The following SNX27 variants were observed in gnomAD, a reference collection of about 807,000 sequenced individuals.
SNX27 encodes the protein sorting nexin-27.
A neutral mutation model predicts 71.6 loss-of-function variants in SNX27; 22 were observed. The observed-to-expected ratio is 0.31, with a 90% CI of 0.22 to 0.44. The LOEUF (loss-of-function observed/expected upper bound fraction) is 0.44, where lower values mean the gene tolerates loss of function less well. SNX27 is among the 20% of genes least tolerant of loss of function. SNX27 has a pLI of 1.00. For missense variants in SNX27, 531 were observed against 698.6 expected (o/e 0.76, Z 2.70); for synonymous variants, 269 against 277.2 (o/e 0.97, Z 0.29).
intron 8 of SNX27, among the ~76,000 whole-genome samples, chr1:151,687,899 G>C (rs1024552734): frequency 1.3e-5 from 2 of 148,726 alleles, no homozygotes; most frequent in African/African-American, 5.0e-5. Flanking sequence ...AGTGAGCCGC[G>C]ATCGCGCCGC....
chr1:151,685,623 A>C (rs1211662857), intron 8 of SNX27: 2 of 152,350 alleles, frequency 1.3e-5, no homozygotes, highest in African/African-American at 4.8e-5. Context: ...CGGAGGTTGC[A>C]GTGAGCCGAG....
At chr1:151,622,415 TG>T (rs1667716452) in intron 1 of SNX27, among the ~76,000 whole-genome samples, 1 of 152,218 alleles carries the variant, frequency 6.6e-6, no homozygotes. Flanking sequence ...TGAGGGATAA[TG>T]TTTTTAATTA....
intron 1 of SNX27, among the ~76,000 whole-genome samples, chr1:151,630,306 C>T (rs1668166089): frequency 6.6e-6 from 1 of 152,036 alleles, no homozygotes; most frequent in Admixed American, 6.5e-5. Flanking sequence ...TCTTTAGATG[C>T]ATATTGCCAG....
rs752169214 is a variant in SNX27, at chr1:151,638,864, G to A, written c.312-24G>A. On this transcript the variant is annotated intron_variant, in intron 1 of 11. Coordinates refer to ENST00000458013, the MANE Select transcript of SNX27 (RefSeq NM_001330723.2). ...TTGGACCCTTCTGGTTTATGGGATTGTCTTTTTCCCTTTTTCCCCTTAGGA... is the reference window on the plus strand; with the variant it reads ...TTGGACCCTTCTGGTTTATGGGATTATCTTTTTCCCTTTTTCCCCTTAGGA... The A allele has an allele frequency of 3.7e-6, 6 of 1,612,018 alleles. No individual in the cohort carries two copies. In the East Asian group the frequency reaches 1.1e-4, roughly 30 times the overall value.
At chr1:151,621,839 A>G (rs1223092406) in intron 1 of SNX27, among the ~76,000 whole-genome samples, 1 of 152,154 alleles carries the variant, frequency 6.6e-6, no homozygotes, top group Non-Finnish European at 1.5e-5. Flanking sequence ...AACTTTTTCT[A>G]CTTATTTTGC....
intron 11 of SNX27, 43 bp from the exon 12 acceptor site, chr1:151,694,326 AG>A: frequency 6.5e-7 from 1 of 1,548,384 alleles, no homozygotes; most frequent in Non-Finnish European, 8.7e-7. Flanking sequence ...TCCAGATAAG[AG>A]GAGATGTGCC....
rs1671619228 is a variant in SNX27 at position 151,694,628 on chromosome 1, A to T, written c.*211A>T. ...TGAACAGCAGATCGGTCAGCACCAG[A>T]AGTCAACTGAGTTAAGGCAGGAAAA... On this transcript the variant is annotated 3_prime_UTR_variant, in exon 12 of 12. Transcript: ENST00000458013. 1 of 474,582 alleles carries T rather than the reference A, an allele frequency of 2.1e-6. No individual in the cohort carries two copies. The highest frequency in any genetic ancestry group is 2.0e-5 in the African/African-American group (1 of 49,982). 29.4% of individuals were successfully genotyped at this position (474,582 alleles called of 1,614,324 possible).
At chr1:151,622,133 A>G (rs975305257) in intron 1 of SNX27, among the ~76,000 whole-genome samples, 4 of 152,242 alleles carry the variant, frequency 2.6e-5, no homozygotes, top group African/African-American at 9.6e-5. Flanking sequence ...CTCATTTCCA[A>G]AATAAATTGC....
chr1:151,623,839 C>T lies in SNX27; in HGVS notation c.311+11327C>T, dbSNP rs1571763052. On this transcript the variant is annotated intron_variant, in intron 1 of 11. Transcript: ENST00000458013. Reference sequence around the variant, plus strand: ...GATAAAAATGAAAAAAAAATCCTATCCAGACAAAATAAATCAGTGTTTTAT... The same window carrying T: ...GATAAAAATGAAAAAAAAATCCTATTCAGACAAAATAAATCAGTGTTTTAT... Among the ~76,000 whole-genome samples, 3 of 152,218 alleles carry T rather than the reference C, an allele frequency of 2.0e-5. No individual in the cohort carries two copies. The East Asian group carries it at 5.8e-4, about 29-fold the overall frequency.
intron 7 of SNX27, chr1:151,679,273 A>G (rs1553264234): frequency 6.6e-6 from 1 of 152,216 alleles, no homozygotes; most frequent in Admixed American, 6.5e-5. Flanking sequence ...ATACATCCCA[A>G]TTTCAGAAAT....
intron 1 of SNX27, among the ~76,000 whole-genome samples, chr1:151,631,647 A>G (rs1405546779): frequency 6.6e-6 from 1 of 152,218 alleles, no homozygotes; most frequent in African/African-American, 2.4e-5. Context: ...TACTTTTCAA[A>G]TACTTGGTCA....
At position 151,658,227 on chromosome 1, in the gene SNX27, T is replaced by C; in HGVS notation, c.544-8T>C. 1 of 1,588,702 alleles carries C rather than the reference T, an allele frequency of 6.3e-7. No homozygotes were observed. The highest frequency in any genetic ancestry group is 8.5e-7 in the Non-Finnish European group (1 of 1,169,630). On this transcript the variant is annotated splice_polypyrimidine_tract_variant and splice_region_variant and intron_variant, in intron 2 of 11. Coordinates refer to ENST00000458013, the MANE Select transcript of SNX27 (RefSeq NM_001330723.2). The stretch of plus-strand genomic sequence containing the variant: ...GTATGCTTTTCTTTTGTTCTTCTCC[T>C]TCACCAGGTATATAATGTTTACATG...
rs141177161 is a variant in SNX27, at chr1:151,628,579, A to G, written c.312-10309A>G. Among the ~76,000 whole-genome samples the G allele has an allele frequency of 1.2e-3, 184 of 152,284 alleles. 2 individuals carry two copies. In the East Asian group the frequency reaches 0.027, roughly 22 times the overall value. ...TGCCAAACTGTCTTCCAAAATGACT[A>G]TCATTTTGTATTCCCACCAGCAGTG... On this transcript the variant is annotated intron_variant, in intron 1 of 11. Transcript: ENST00000458013.
intron 7 of SNX27, among the ~76,000 whole-genome samples, chr1:151,680,822 A>C (rs1160635249): frequency 2.0e-5 from 3 of 152,152 alleles, no homozygotes; most frequent in Non-Finnish European, 4.4e-5. Context: ...AATTGGTTTA[A>C]ATTTGGCTGG....
At chr1:151,657,107 A>G (rs1375935935) in intron 2 of SNX27, among the ~76,000 whole-genome samples, 1 of 152,188 alleles carries the variant, frequency 6.6e-6, no homozygotes, top group African/African-American at 2.4e-5. Flanking sequence ...TCAAGATCTT[A>G]GCTTAGCTTT....
chr1:151,668,771 TC>T, intron 7 of SNX27, 136 bp downstream of exon 7: 1 of 638,290 alleles, frequency 1.6e-6, no homozygotes, highest in Non-Finnish European at 2.5e-6. Context: ...AAATGTTCTA[TC>T]CCATTTCACG....
chr1:151,632,241 T>C (rs1668271362), intron 1 of SNX27, among the ~76,000 whole-genome samples: 2 of 152,076 alleles, frequency 1.3e-5, no homozygotes, highest in Admixed American at 6.6e-5. Flanking sequence ...CACTGCAATG[T>C]CTGCCTTCCA....
chr1:151,672,305 A>G (rs776474503), intron 7 of SNX27, among the ~76,000 whole-genome samples: 16 of 151,968 alleles, frequency 1.1e-4, no homozygotes, highest in Non-Finnish European at 1.6e-4. Context: ...ACATTGATTG[A>G]TTTGTGTTTG....
At position 151,638,989 on chromosome 1, in the gene SNX27, A is replaced by T. The variant is rs1460644957; in HGVS notation, c.413A>T (p.His138Leu). 6.2e-7 allele frequency: 1 copy of T among 1,614,150 alleles called. No individual in the cohort carries two copies. Among genetic ancestry groups the T allele is most frequent in the Admixed American group, 1.7e-5 (1 of 60,010 alleles). The change falls in exon 2 of 12, where the codon CAT (histidine) becomes CTT (leucine). Residue 138 changes from histidine (H) to leucine (L), a missense_variant. Physicochemically the swap from His to Leu is moderately conservative, Grantham distance 99 (BLOSUM62 -3). This residue lies in a region of SNX27 where 47 missense variants were observed against 41.4 expected (regional missense o/e 1.13). Transcript: ENST00000458013. ...LILTVLSVPP[H>L]EADNLDPSDD... ...TTGACAGTGTTATCTGTACCTCCTCATGAGGCAGATAACCTAGATCCCAGT... is the reference window on the plus strand; with the variant it reads ...TTGACAGTGTTATCTGTACCTCCTCTTGAGGCAGATAACCTAGATCCCAGT...
Sources: allele counts gnomAD v4.1 joint callset (sites outside exome capture counted in the v4.1 genomes callset), GRCh38; gene constraint gnomAD v4.1.1; regional missense constraint gnomAD v4.1.1; transcripts MANE v1.5; gene names NCBI Gene and HGNC (gene_info 2026-07-23, HGNC 2026-07-21).